Variants in GRM7 observed in about 807,000 individuals in gnomAD.
GRM7 encodes metabotropic glutamate receptor 7.
Under a neutral mutation model 84.5 loss-of-function variants are expected in GRM7, and 35 were observed. The observed-to-expected ratio is 0.41, with a 90% CI of 0.32 to 0.55. The LOEUF (loss-of-function observed/expected upper bound fraction) is 0.55, where lower values mean the gene tolerates loss of function less well. GRM7 is among the 20% of genes least tolerant of loss of function. The probability of loss-of-function intolerance (pLI) is 0.19; values close to 1 mark genes in which losing one functional copy is unlikely to be tolerated. For missense variants in GRM7, 1,003 were observed against 1,194.6 expected (o/e 0.84, Z 2.36); for synonymous variants, 487 against 455.1 (o/e 1.07, Z -0.89).
intron 5 of GRM7, among the ~76,000 whole-genome samples, chr3:7,422,510 T>C (rs1302260662): frequency 6.6e-6 from 1 of 152,196 alleles, no homozygotes; most frequent in African/African-American, 2.4e-5. Flanking sequence ...TATACCAGCA[T>C]TTAACTTTTA....
chr3:7,404,081 CAAACGTAATTT>C (rs1298368835), intron 4 of GRM7, among the ~76,000 whole-genome samples: 1 of 152,124 alleles, frequency 6.6e-6, no homozygotes, highest in African/African-American at 2.4e-5. Flanking sequence ...GGAGTCCAAG[CAAACGTAATTT>C]AAAAAATTCT....
At chr3:6,981,038 T>C (rs778112462) in intron 1 of GRM7, among the ~76,000 whole-genome samples, 1 of 152,038 alleles carries the variant, frequency 6.6e-6, no homozygotes, top group Non-Finnish European at 1.5e-5. Context: ...GTAGAGGAAA[T>C]GGATGAAGAG....
At chr3:7,174,459 T>C (rs542642813) in intron 2 of GRM7, among the ~76,000 whole-genome samples, 158 of 152,366 alleles carry the variant, frequency 1.0e-3, no homozygotes, top group African/African-American at 3.6e-3. Flanking sequence ...TCATCTTTAA[T>C]TGCTGTTTGT....
At chr3:7,208,872 G>A (rs985479852) in intron 2 of GRM7, among the ~76,000 whole-genome samples, 7 of 152,164 alleles carry the variant, frequency 4.6e-5, no homozygotes, top group South Asian at 2.1e-4. Context: ...AAGCAATCAC[G>A]TGATTTCAGA....
chr3:7,628,558 T>C (rs773444057), intron 8 of GRM7, among the ~76,000 whole-genome samples: 2 of 152,348 alleles, frequency 1.3e-5, no homozygotes, highest in South Asian at 2.1e-4. Flanking sequence ...TCATCACTTA[T>C]CTTTGTTTCT....
At chr3:7,103,772 TTCTTTC>T (rs1440251962) in intron 1 of GRM7, among the ~76,000 whole-genome samples, 1 of 101,440 alleles carries the variant, frequency 9.9e-6, no homozygotes, top group Non-Finnish European at 1.8e-5. Context: ...CTTTCTTTCT[TTCTTTC>T]TTTCTTTCTT....
chr3:7,366,486 A>T (rs978803776), intron 4 of GRM7, among the ~76,000 whole-genome samples: 3 of 151,900 alleles, frequency 2.0e-5, no homozygotes, highest in African/African-American at 2.4e-5. Flanking sequence ...TGAGTGAAGT[A>T]TATTAATACC....
chr3:7,296,089 T>A (rs1267197122), intron 2 of GRM7, among the ~76,000 whole-genome samples: 1 of 151,616 alleles, frequency 6.6e-6, no homozygotes, highest in African/African-American at 2.4e-5. Context: ...TTATCATAAA[T>A]ATATATATAT....
Position 7,543,219 on chromosome 3 carries a change from TG to T in GRM7, c.1516-35202del, listed in dbSNP as rs1301995615. On this transcript the variant is annotated intron_variant, in intron 7 of 9. Transcript: ENST00000357716. ...GCACTAAATTTTACCACTTACTGTG[TG>T]CCTACTGCAAGGTACTTGACTCTTC... Among the ~76,000 whole-genome samples the T allele has an allele frequency of 8.5e-5, 13 of 152,324 alleles. No homozygotes were observed. The East Asian group carries it at 2.5e-3, about 29-fold the overall frequency.
chr3:7,286,222 T>C (rs1425137807), intron 2 of GRM7, among the ~76,000 whole-genome samples: 3 of 152,218 alleles, frequency 2.0e-5, no homozygotes, highest in Admixed American at 6.5e-5. Flanking sequence ...CAAGATTACA[T>C]GTTTTTCTTA....
chr3:6,992,731 C>G (rs573147072), intron 1 of GRM7, among the ~76,000 whole-genome samples: 1 of 152,142 alleles, frequency 6.6e-6, no homozygotes, highest in South Asian at 2.1e-4. Context: ...CAGCCACTGC[C>G]AGAAAAAAAT....
At chr3:7,583,149 A>G (rs1695342285) in intron 8 of GRM7, among the ~76,000 whole-genome samples, 1 of 152,246 alleles carries the variant, frequency 6.6e-6, no homozygotes, top group Non-Finnish European at 1.5e-5. Flanking sequence ...ATGAAGCATC[A>G]GTCCCAAGGC....
intron 5 of GRM7, among the ~76,000 whole-genome samples, chr3:7,432,094 T>C (rs1264333252): frequency 6.6e-6 from 1 of 152,126 alleles, no homozygotes; most frequent in Non-Finnish European, 1.5e-5. Context: ...GGAACTGCTT[T>C]GGGAGAAATA....
intron 9 of GRM7, among the ~76,000 whole-genome samples, chr3:7,737,994 C>T (rs1369839745): frequency 6.6e-6 from 1 of 151,894 alleles, no homozygotes; most frequent in Non-Finnish European, 1.5e-5. Flanking sequence ...ATTACAGGCG[C>T]CCGCCACCAC....
At chr3:7,207,618 C>T (rs567771595) in intron 2 of GRM7, among the ~76,000 whole-genome samples, 2 of 152,256 alleles carry the variant, frequency 1.3e-5, no homozygotes, top group South Asian at 4.1e-4. Context: ...GGGCTAGAAG[C>T]AAATTCCTAA....
chr3:7,386,283 A>C (rs1694783239), intron 4 of GRM7, among the ~76,000 whole-genome samples: 1 of 152,196 alleles, frequency 6.6e-6, no homozygotes, highest in South Asian at 2.1e-4. Flanking sequence ...TGTTTTTAAA[A>C]AATTTTAGAT....
At chr3:6,947,636 C>T (rs1386962501) in intron 1 of GRM7, among the ~76,000 whole-genome samples, 9 of 152,108 alleles carry the variant, frequency 5.9e-5, no homozygotes, top group Admixed American at 3.3e-4. Context: ...ATGGTACCAG[C>T]TCCTCCTTGT....
intron 2 of GRM7, among the ~76,000 whole-genome samples, chr3:7,216,466 A>G (rs999718941): frequency 1.1e-4 from 17 of 152,192 alleles, no homozygotes; most frequent in Non-Finnish European, 1.9e-4. Context: ...TACATCCCCA[A>G]ACTGATAACT....
chr3:7,661,933 G>C (rs1318999638), intron 8 of GRM7, among the ~76,000 whole-genome samples: 1 of 150,162 alleles, frequency 6.7e-6, no homozygotes, highest in African/African-American at 2.5e-5. Context: ...CCCCCCCAAT[G>C]AAAAATATGT....
Sources: allele counts gnomAD v4.1 joint callset (sites outside exome capture counted in the v4.1 genomes callset), GRCh38; gene constraint gnomAD v4.1.1; transcripts MANE v1.5; gene names NCBI Gene and HGNC (gene_info 2026-07-23, HGNC 2026-07-21).